Variants in PPP1R12A observed in about 807,000 individuals in gnomAD.
PPP1R12A encodes myosin binding subunit.
A neutral mutation model predicts 139.6 loss-of-function variants in PPP1R12A; 19 were observed. The ratio of observed to expected loss-of-function variants is 0.14; its 90% CI spans 0.09 to 0.20. The LOEUF is 0.20. Ranked by LOEUF, PPP1R12A falls within the 10% of genes least tolerant of loss-of-function variation. PPP1R12A has a pLI of 1.00. For missense variants in PPP1R12A, 925 were observed against 1,211.5 expected, an observed-to-expected ratio of 0.76 and a Z score of 3.51; for synonymous variants, 427 against 420.6, an observed-to-expected ratio of 1.02 and a Z score of -0.19.
intron 2 of PPP1R12A, among the ~76,000 whole-genome samples, chr12:79,847,184 T>C (rs527634297): frequency 9.9e-5 from 15 of 152,280 alleles, no homozygotes; most frequent in African/African-American, 3.6e-4. Flanking sequence ...TGTAAACATA[T>C]ATACACCATC....
chr12:79,933,506 C>G (rs11114272), intron 1 of PPP1R12A, among the ~76,000 whole-genome samples: 6,158 of 152,280 alleles, frequency 0.04, 440 homozygotes, highest in East Asian at 0.29. Context: ...CTTCCACACA[C>G]AACCAAGGCA....
At chr12:79,787,564 T>G (rs1044917663) in intron 21 of PPP1R12A, 24 of 152,234 alleles carry the variant, frequency 1.6e-4, no homozygotes, top group African/African-American at 5.3e-4. Flanking sequence ...CAGGCTGGAG[T>G]GCAATGGCGT....
chr12:79,820,729 A>G lies in PPP1R12A; in HGVS notation c.1114+45T>C, dbSNP rs547922176. ...TACGTCTCATCTTGTCTTATTTTACACTGCCACAAAATTCAACGAAAATGC... is the reference window on the plus strand; with the variant it reads ...TACGTCTCATCTTGTCTTATTTTACGCTGCCACAAAATTCAACGAAAATGC... On this transcript the variant is annotated intron_variant, in intron 8 of 24. Coordinates refer to ENST00000450142, the MANE Select transcript of PPP1R12A (RefSeq NM_002480.3). The G allele has an allele frequency of 3.8e-6, 6 of 1,593,924 alleles. No homozygotes were observed. In the South Asian group the frequency reaches 5.6e-5, roughly 15 times the overall value.
chr12:79,862,337 A>G (rs1199685596), intron 2 of PPP1R12A, among the ~76,000 whole-genome samples: 1 of 152,232 alleles, frequency 6.6e-6, no homozygotes, highest in Non-Finnish European at 1.5e-5. Flanking sequence ...GACCAAAGGT[A>G]GATAAAACCA....
intron 1 of PPP1R12A, among the ~76,000 whole-genome samples, chr12:79,920,947 G>C (rs900400008): frequency 5.3e-5 from 8 of 152,184 alleles, no homozygotes; most frequent in African/African-American, 1.9e-4. Context: ...GTCATTACTT[G>C]TTCTCTTTTT....
intron 3 of PPP1R12A, among the ~76,000 whole-genome samples, chr12:79,841,223 T>C (rs1194179408): frequency 6.6e-6 from 1 of 152,120 alleles, no homozygotes; most frequent in Non-Finnish European, 1.5e-5. Flanking sequence ...GCCACTGTGC[T>C]TGGCCTTCCA....
intron 2 of PPP1R12A, among the ~76,000 whole-genome samples, chr12:79,846,268 A>G (rs1184640502): frequency 1.3e-5 from 2 of 152,222 alleles, no homozygotes; most frequent in Admixed American, 6.5e-5. Flanking sequence ...TTAAGCATCC[A>G]AAACACAATT....
chr12:79,900,548 T>C (rs1885543644), intron 1 of PPP1R12A, among the ~76,000 whole-genome samples: 1 of 152,222 alleles, frequency 6.6e-6, no homozygotes, highest in Non-Finnish European at 1.5e-5. Flanking sequence ...TTCAAGGCTA[T>C]AGCTTTAACA....
Position 79,813,749 on chromosome 12 carries a change from C to CT in PPP1R12A, c.1239+3644dup, listed in dbSNP as rs151104383. ...GCTTGATATTGCTACAGAAACAGTTCTTTAATTTCAGCGGAAGGGTTAAGG... is the reference window on the plus strand; with the variant it reads ...GCTTGATATTGCTACAGAAACAGTTCTTTTAATTTCAGCGGAAGGGTTAAGG... On this transcript the variant is annotated intron_variant, in intron 9 of 24. Transcript: ENST00000450142. 4.1e-3 allele frequency among the ~76,000 whole-genome samples: 630 copies of CT among 152,304 alleles called. 3 individuals carry two copies. Among genetic ancestry groups the CT allele is most frequent in the African/African-American group, 0.014 (594 of 41,574 alleles).
At chr12:79,890,992 G>A (rs1046737067) in intron 1 of PPP1R12A, among the ~76,000 whole-genome samples, 2 of 148,346 alleles carry the variant, frequency 1.3e-5, no homozygotes, top group African/African-American at 4.9e-5. Flanking sequence ...TTGAGAAAAA[G>A]GGGAAAGGTT....
chr12:79,876,693 G>C (rs1328276043), intron 1 of PPP1R12A, among the ~76,000 whole-genome samples: 1 of 152,146 alleles, frequency 6.6e-6, no homozygotes, highest in Non-Finnish European at 1.5e-5. Context: ...GCTTTTAGCA[G>C]CATTTCCCTA....
intron 14 of PPP1R12A, among the ~76,000 whole-genome samples, chr12:79,802,957 G>T (rs1358400758): frequency 6.6e-6 from 1 of 152,046 alleles, no homozygotes; most frequent in Non-Finnish European, 1.5e-5. Context: ...TAGTACCATG[G>T]CAAATAGTAC....
intron 1 of PPP1R12A, among the ~76,000 whole-genome samples, chr12:79,924,165 G>A (rs1440696286): frequency 3.3e-5 from 5 of 152,062 alleles, no homozygotes; most frequent in African/African-American, 9.7e-5. Context: ...GGAAAACACT[G>A]AGAAGATCAA....
intron 22 of PPP1R12A, among the ~76,000 whole-genome samples, chr12:79,786,118 G>A (rs1270261096): frequency 6.6e-6 from 1 of 152,028 alleles, no homozygotes; most frequent in Non-Finnish European, 1.5e-5. Flanking sequence ...GCTACATTTG[G>A]TATTCTGGAA....
chr12:79,908,094 T>C (rs1424515859), intron 1 of PPP1R12A, among the ~76,000 whole-genome samples: 1 of 152,206 alleles, frequency 6.6e-6, no homozygotes, highest in East Asian at 1.9e-4. Flanking sequence ...TATCTGGGGT[T>C]GAAAACGTTT....
At chr12:79,829,881 G>A (rs1291324172) in intron 4 of PPP1R12A, among the ~76,000 whole-genome samples, 1 of 152,014 alleles carries the variant, frequency 6.6e-6, no homozygotes, top group Non-Finnish European at 1.5e-5. Flanking sequence ...TATTCAAGGA[G>A]CTTTTACTGG....
chr12:79,775,455 G>C lies in PPP1R12A; in HGVS notation c.*474C>G, dbSNP rs2136953681. 1 of 152,488 alleles carries C rather than the reference G, an allele frequency of 6.6e-6. No individual in the cohort carries two copies. Among genetic ancestry groups the C allele is most frequent in the Middle Eastern group, 3.4e-3 (1 of 296 alleles). The allele number at this position is 152,488 out of a possible 1,614,324, so 9.4% of individuals were successfully genotyped here. ...AGGAAAAAATACAAACCCAAACTTA[G>C]ATGAAAAGCCAAAAAATTTAAATAT... On this transcript the variant is annotated 3_prime_UTR_variant, in exon 25 of 25. Transcript: ENST00000450142.
intron 1 of PPP1R12A, among the ~76,000 whole-genome samples, chr12:79,928,054 T>G (rs1437481990): frequency 6.6e-6 from 1 of 152,164 alleles, no homozygotes; most frequent in East Asian, 1.9e-4. Context: ...TATTAAAAGG[T>G]TTTTAAATAG....
chr12:79,935,163 G>C (rs1035569819), upstream of PPP1R12A: 70 of 1,339,918 alleles, frequency 5.2e-5, no homozygotes, highest in Non-Finnish European at 6.1e-5. Flanking sequence ...CCCCAGCACG[G>C]CCACCCGTCA....
Sources: gnomAD v4.1 joint callset for allele counts (sites outside exome capture counted in the v4.1 genomes callset) on GRCh38, gnomAD v4.1.1 for gene constraint, MANE v1.5 for transcripts, NCBI Gene and HGNC (gene_info 2026-07-23, HGNC 2026-07-21) for gene names.